DOK5: variants seen among roughly 807,000 people sequenced by gnomAD.
DOK5 encodes docking protein 5.
DOK5 carries 27 observed loss-of-function variants against 43.3 expected under a neutral mutation model. The observed-to-expected ratio is 0.62, with a 90% CI of 0.46 to 0.86. The LOEUF (loss-of-function observed/expected upper bound fraction) is 0.86, where lower values mean the gene tolerates loss of function less well. Ranked by LOEUF, DOK5 falls within the 40% of genes least tolerant of loss-of-function variation. The probability of loss-of-function intolerance (pLI) is 0.00; values close to 1 mark genes in which losing one functional copy is unlikely to be tolerated. For synonymous variants in DOK5, 146 were observed against 140.1 expected (o/e 1.04, Z -0.30); for missense variants, 373 against 392.9 (o/e 0.95, Z 0.43).
chr20:54,540,480 G>A (rs1984115523), intron 1 of DOK5, among the ~76,000 whole-genome samples: 1 of 152,096 alleles, frequency 6.6e-6, no homozygotes, highest in Non-Finnish European at 1.5e-5. Context: ...AACCACTATG[G>A]AGTGTTTGCT....
intron 1 of DOK5, among the ~76,000 whole-genome samples, chr20:54,478,710 G>A (rs1981539966): frequency 6.6e-6 from 1 of 152,156 alleles, no homozygotes; most frequent in South Asian, 2.1e-4. Flanking sequence ...GTTGACCTTT[G>A]ACCTTTCTTG....
At chr20:54,617,769 C>T (rs938434630) in intron 6 of DOK5, among the ~76,000 whole-genome samples, 2 of 152,208 alleles carry the variant, frequency 1.3e-5, no homozygotes, top group Non-Finnish European at 2.9e-5. Context: ...ATAATATTTA[C>T]TTAGTGGTTT....
chr20:54,486,436 C>A (rs1981937133), intron 1 of DOK5, among the ~76,000 whole-genome samples: 1 of 151,600 alleles, frequency 6.6e-6, no homozygotes, highest in Non-Finnish European at 1.5e-5. Flanking sequence ...GCACACTGAT[C>A]CCTCTCAGTT....
intron 2 of DOK5, among the ~76,000 whole-genome samples, chr20:54,559,072 G>C (rs1433896940): frequency 6.6e-6 from 1 of 152,172 alleles, no homozygotes; most frequent in Non-Finnish European, 1.5e-5. Flanking sequence ...TCCCACAATA[G>C]TAAGACTCCA....
At chr20:54,546,251 T>A (rs1282969169) in intron 1 of DOK5, among the ~76,000 whole-genome samples, 2 of 152,178 alleles carry the variant, frequency 1.3e-5, no homozygotes, top group African/African-American at 4.8e-5. Flanking sequence ...CATTCCACAG[T>A]GCGCAGAAAA....
At chr20:54,542,109 C>CACACACAG (rs1568774866) in intron 1 of DOK5, among the ~76,000 whole-genome samples, 3,002 of 151,310 alleles carry the variant, frequency 0.02, 103 homozygotes, top group African/African-American at 0.069. Flanking sequence ...TACACACACA[C>CACACACAG]ACACACACAC....
At chr20:54,603,428 T>A (rs1391724964) in intron 5 of DOK5, among the ~76,000 whole-genome samples, 2 of 152,226 alleles carry the variant, frequency 1.3e-5, no homozygotes, top group Non-Finnish European at 2.9e-5. Context: ...AACCACAGAA[T>A]GTCCTTGTCA....
chr20:54,583,803 G>A (rs1985712199), intron 2 of DOK5, among the ~76,000 whole-genome samples: 1 of 152,050 alleles, frequency 6.6e-6, no homozygotes, highest in Admixed American at 6.6e-5. Flanking sequence ...CTTGTAGACA[G>A]CATATCGTTG....
intron 1 of DOK5, among the ~76,000 whole-genome samples, chr20:54,527,143 T>A (rs900924456): frequency 1.3e-5 from 2 of 151,710 alleles, no homozygotes; most frequent in African/African-American, 4.9e-5. Flanking sequence ...AAAACATGGA[T>A]TTTGAATGAT....
At chr20:54,605,287 C>T (rs1323259314) in intron 5 of DOK5, among the ~76,000 whole-genome samples, 4 of 152,102 alleles carry the variant, frequency 2.6e-5, no homozygotes, top group Admixed American at 2.6e-4. Context: ...AATTTCAACC[C>T]CATTAGTATT....
At chr20:54,604,136 C>CG (rs1986391555) in intron 5 of DOK5, among the ~76,000 whole-genome samples, 1 of 151,606 alleles carries the variant, frequency 6.6e-6, no homozygotes, top group Admixed American at 6.6e-5. Flanking sequence ...TGAGTAGAGA[C>CG]GGGGTTTCAC....
chr20:54,608,436 G>T (rs1172828203), intron 5 of DOK5, among the ~76,000 whole-genome samples: 1 of 152,182 alleles, frequency 6.6e-6, no homozygotes, highest in Non-Finnish European at 1.5e-5. Context: ...ATAGAGTCAA[G>T]TTTGTATGGC....
chr20:54,556,039 G>A (rs1324642473), intron 2 of DOK5, among the ~76,000 whole-genome samples: 1 of 152,142 alleles, frequency 6.6e-6, no homozygotes, highest in African/African-American at 2.4e-5. Context: ...TGAAAACAAT[G>A]GGGAAGCTGC....
intron 2 of DOK5, among the ~76,000 whole-genome samples, chr20:54,556,152 T>C (rs115144897): frequency 0.014 from 2,204 of 152,246 alleles, 46 homozygotes; most frequent in African/African-American, 0.051. Flanking sequence ...TTGAGACAGG[T>C]AGAGAAGGGA....
intron 1 of DOK5, among the ~76,000 whole-genome samples, chr20:54,478,493 AT>A (rs1981528502): frequency 1.3e-5 from 2 of 152,222 alleles, no homozygotes; most frequent in African/African-American, 2.4e-5. Context: ...GTGCTGAACT[AT>A]ATAGTGCATG....
chr20:54,644,979 G>GT (rs1979328184), intron 7 of DOK5, among the ~76,000 whole-genome samples: 3 of 147,168 alleles, frequency 2.0e-5, no homozygotes, highest in Non-Finnish European at 4.5e-5. Flanking sequence ...CTTTGTGGGG[G>GT]ATACTTGTAA....
chr20:54,636,535 C>G (rs978597602), intron 6 of DOK5, among the ~76,000 whole-genome samples: 3 of 152,156 alleles, frequency 2.0e-5, no homozygotes, highest in African/African-American at 7.2e-5. Context: ...GTCCTGTGGT[C>G]CCACCCAGAA....
intron 1 of DOK5, among the ~76,000 whole-genome samples, chr20:54,537,631 A>G (rs1005907174): frequency 1.4e-4 from 22 of 152,180 alleles, no homozygotes; most frequent in Non-Finnish European, 2.9e-4. Flanking sequence ...AGTTGGAATA[A>G]CAGAGAAAAA....
At chr20:54,568,658 C>G (rs937421534) in intron 2 of DOK5, among the ~76,000 whole-genome samples, 1 of 152,098 alleles carries the variant, frequency 6.6e-6, no homozygotes, top group East Asian at 1.9e-4. Context: ...TGGCTGGGCG[C>G]AGTGGCTCAC....
Sources: gnomAD v4.1 joint callset for allele counts (sites outside exome capture counted in the v4.1 genomes callset) on GRCh38, gnomAD v4.1.1 for gene constraint, MANE v1.5 for transcripts, NCBI Gene and HGNC (gene_info 2026-07-23, HGNC 2026-07-21) for gene names.